DENND11: variants seen among roughly 807,000 people sequenced by gnomAD.
DENND11 encodes DENN domain containing 11, also known as DENN domain-containing protein 11.
A neutral mutation model predicts 49.2 loss-of-function variants in DENND11; 34 were observed. The observed-to-expected ratio is 0.69, with a 90% CI of 0.53 to 0.92. The LOEUF (loss-of-function observed/expected upper bound fraction) is 0.92, where lower values mean the gene tolerates loss of function less well. Ranked by LOEUF, DENND11 falls within the 40% of genes least tolerant of loss-of-function variation. The probability of loss-of-function intolerance (pLI) is 0.00; values close to 1 mark genes in which losing one functional copy is unlikely to be tolerated. For missense variants in DENND11, 475 were observed against 581.6 expected (o/e 0.82, Z 1.88); for synonymous variants, 238 against 230.3 (o/e 1.03, Z -0.30).
chr7:141,682,992 A>G (rs1798172161), intron 3 of DENND11, among the ~76,000 whole-genome samples: 1 of 152,182 alleles, frequency 6.6e-6, no homozygotes, highest in Non-Finnish European at 1.5e-5. Context: ...AGTACAGAAA[A>G]AGACATATGT....
rs539989701 is a variant in DENND11, at chr7:141,686,413, A to C, written c.368+146T>G. On this transcript the variant is annotated intron_variant, in intron 2 of 8. Transcript: ENST00000536163. ...GAAAGCTAGACATCTCACTAGAAAA[A>C]TGATGTAAACACAAAACTATCCATG... The C allele has an allele frequency of 4.9e-6, 3 of 617,748 alleles. No homozygotes were observed. The East Asian group carries it at 8.3e-5, about 17-fold the overall frequency. 38.3% of individuals were successfully genotyped at this position (617,748 alleles called of 1,614,324 possible). A position where few individuals can be genotyped will look rare whatever the true frequency, so the allele number is the denominator to read the frequency against.
At chr7:141,695,969 C>T (rs1798405429) in intron 1 of DENND11, among the ~76,000 whole-genome samples, 1 of 152,232 alleles carries the variant, frequency 6.6e-6, no homozygotes, top group Non-Finnish European at 1.5e-5. Context: ...TGGAGCACAA[C>T]TTGGCAGCAC....
At chr7:141,669,866 G>A (rs1040974403) in intron 4 of DENND11, among the ~76,000 whole-genome samples, 1 of 138,758 alleles carries the variant, frequency 7.2e-6, no homozygotes, top group Non-Finnish European at 1.5e-5. Flanking sequence ...CTGGAGTGCA[G>A]TGGCGCAATC....
chr7:141,683,893 A>G (rs1798188828), intron 3 of DENND11, among the ~76,000 whole-genome samples: 1 of 152,188 alleles, frequency 6.6e-6, no homozygotes, highest in Admixed American at 6.5e-5. Context: ...CAAAGAAAGA[A>G]AAGTGCTTGA....
At chr7:141,700,417 T>TA (rs1342528159) in intron 1 of DENND11, among the ~76,000 whole-genome samples, 7 of 139,388 alleles carry the variant, frequency 5.0e-5, no homozygotes, top group South Asian at 2.2e-4. Flanking sequence ...GATGAACACT[T>TA]AAAAAAAAGA....
intron 5 of DENND11, 77 bp from the exon 6 acceptor site, chr7:141,665,395 A>T (rs1462348933): frequency 3.8e-6 from 6 of 1,568,566 alleles, no homozygotes; most frequent in Non-Finnish European, 5.2e-6. Context: ...GCGGCTCAAC[A>T]CCTCTGCTCC....
chr7:141,675,273 T>C (rs564997575), intron 3 of DENND11, among the ~76,000 whole-genome samples: 2 of 152,302 alleles, frequency 1.3e-5, no homozygotes, highest in East Asian at 3.9e-4. Flanking sequence ...GGGAGAGTCC[T>C]GGAACGGATT....
chr7:141,700,563 A>T (rs1226660887), intron 1 of DENND11, among the ~76,000 whole-genome samples: 1 of 152,098 alleles, frequency 6.6e-6, no homozygotes, highest in African/African-American at 2.4e-5. Context: ...TTTCAGTTAC[A>T]TAAGTACTGT....
intron 8 of DENND11, 70 bp from the exon 9 acceptor site, chr7:141,662,921 A>G: frequency 2.6e-6 from 3 of 1,145,574 alleles, no homozygotes; most frequent in Non-Finnish European, 2.4e-6. Context: ...TAATCCACAT[A>G]TGGGGAACCA....
rs574303029 is a variant in DENND11 at position 141,666,522 on chromosome 7, A to G, written c.682-97T>C. 11 of 1,219,454 alleles carry G rather than the reference A, an allele frequency of 9.0e-6. No homozygotes were observed. The East Asian group carries it at 2.9e-4, about 32-fold the overall frequency. 75.5% of individuals were successfully genotyped at this position (1,219,454 alleles called of 1,614,324 possible). ...CTAATCTCCTTCTCTGAAATTCTAA[A>G]GTCCATCCAAACAGATACATTAAAG... On this transcript the variant is annotated intron_variant, in intron 4 of 8. Transcript: ENST00000536163.
chr7:141,686,777 G>A lies in DENND11; in HGVS notation c.269-119C>T. 4 of 677,570 alleles carry A rather than the reference G, an allele frequency of 5.9e-6. 1 individual carries two copies. Among genetic ancestry groups the A allele is most frequent in the South Asian group, 5.4e-5 (3 of 55,498 alleles). 42.0% of individuals were successfully genotyped at this position (677,570 alleles called of 1,614,324 possible). On this transcript the variant is annotated intron_variant, in intron 1 of 8. Transcript: ENST00000536163. ...CCGACTGCTGACTCAGCCTCAGACA[G>A]ACCAGCGAGATGCTCAGAGCTCAGC...
chr7:141,685,910 G>C (rs1484586178), intron 2 of DENND11, among the ~76,000 whole-genome samples: 2 of 152,142 alleles, frequency 1.3e-5, no homozygotes, highest in Non-Finnish European at 2.9e-5. Flanking sequence ...CCTGCACCAC[G>C]ACTAATGACT....
intron 1 of DENND11, among the ~76,000 whole-genome samples, chr7:141,699,123 G>T (rs1434252494): frequency 4.6e-5 from 7 of 152,058 alleles, no homozygotes; most frequent in Non-Finnish European, 7.4e-5. Flanking sequence ...TTTTGGTAAA[G>T]AAGTCAATAT....
At chr7:141,677,825 C>G (rs1210204258) in intron 3 of DENND11, among the ~76,000 whole-genome samples, 1 of 151,974 alleles carries the variant, frequency 6.6e-6, no homozygotes, top group Non-Finnish European at 1.5e-5. Flanking sequence ...AACAGTGAAA[C>G]AGTTAAATAA....
chr7:141,698,141 A>G (rs1423845084), intron 1 of DENND11, among the ~76,000 whole-genome samples: 2 of 152,206 alleles, frequency 1.3e-5, no homozygotes, highest in Non-Finnish European at 2.9e-5. Context: ...ATGTCCAGAC[A>G]TTGTATGTTC....
At chr7:141,669,617 T>C (rs1309298608) in intron 4 of DENND11, among the ~76,000 whole-genome samples, 1 of 152,108 alleles carries the variant, frequency 6.6e-6, no homozygotes, top group Non-Finnish European at 1.5e-5. Flanking sequence ...TTTTTGAACT[T>C]ATTTCTATAA....
chr7:141,695,961 G>A (rs1798405167), intron 1 of DENND11, among the ~76,000 whole-genome samples: 1 of 152,238 alleles, frequency 6.6e-6, no homozygotes, highest in Admixed American at 6.5e-5. Context: ...AATATTGGTG[G>A]AGCACAACTT....
chr7:141,666,263 C>T, intron 5 of DENND11, 24 bp downstream of exon 5: 1 of 1,577,502 alleles, frequency 6.3e-7, no homozygotes. Flanking sequence ...TTAAGCAGCA[C>T]TCCTGACTCT....
intron 3 of DENND11, among the ~76,000 whole-genome samples, chr7:141,674,448 A>G (rs951084875): frequency 2.0e-5 from 3 of 152,218 alleles, no homozygotes; most frequent in African/African-American, 7.2e-5. Flanking sequence ...AAACTCCCTG[A>G]CAACACCATG....
Sources: gnomAD v4.1 joint callset for allele counts (sites outside exome capture counted in the v4.1 genomes callset) on GRCh38, gnomAD v4.1.1 for gene constraint, MANE v1.5 for transcripts, NCBI Gene and HGNC (gene_info 2026-07-23, HGNC 2026-07-21) for gene names.